Variants in CHD6 observed in about 807,000 individuals in gnomAD.
CHD6 encodes chromodomain helicase DNA binding protein 6.
CHD6 carries 50 observed loss-of-function variants against 276.9 expected under a neutral mutation model. The ratio of observed to expected loss-of-function variants is 0.18; its 90% CI spans 0.14 to 0.23. The LOEUF (loss-of-function observed/expected upper bound fraction) is 0.23, where lower values mean the gene tolerates loss of function less well. CHD6 is among the 10% of genes least tolerant of loss of function. CHD6 has a pLI of 1.00. For missense variants in CHD6, 2,564 were observed against 3,365.8 expected (o/e 0.76, Z 5.89); for synonymous variants, 1,173 against 1,229.3 (o/e 0.95, Z 0.96).
chr20:41,536,498 C>G (rs1416342399), intron 2 of CHD6, among the ~76,000 whole-genome samples: 1 of 152,168 alleles, frequency 6.6e-6, no homozygotes, highest in Non-Finnish European at 1.5e-5. Context: ...TGGTTCCAAA[C>G]AGAGGTCCAT....
intron 2 of CHD6, among the ~76,000 whole-genome samples, chr20:41,536,760 C>T (rs2044840809): frequency 6.6e-6 from 1 of 152,106 alleles, no homozygotes; most frequent in Non-Finnish European, 1.5e-5. Flanking sequence ...GGTCAGGAAA[C>T]ATATATTTCT....
intron 2 of CHD6, among the ~76,000 whole-genome samples, chr20:41,539,632 A>C (rs1459293174): frequency 6.6e-6 from 1 of 152,226 alleles, no homozygotes; most frequent in Non-Finnish European, 1.5e-5. Flanking sequence ...AAATTAGATA[A>C]AAATACAACA....
intron 18 of CHD6, among the ~76,000 whole-genome samples, chr20:41,457,032 C>T (rs545006060): frequency 6.6e-6 from 1 of 152,144 alleles, no homozygotes; most frequent in African/African-American, 2.4e-5. Context: ...AATGTTACAC[C>T]AAGCTGGGCA....
intron 3 of CHD6, among the ~76,000 whole-genome samples, chr20:41,518,051 T>C (rs1471043343): frequency 1.3e-5 from 2 of 152,252 alleles, no homozygotes; most frequent in Non-Finnish European, 2.9e-5. Flanking sequence ...TAGTTTTTTA[T>C]AGCTCTCTTA....
At chr20:41,451,676 C>T (rs181558328) in intron 22 of CHD6, 150 bp downstream of exon 22, 57 of 697,728 alleles carry the variant, frequency 8.2e-5, no homozygotes, top group African/African-American at 4.5e-4. Context: ...GAGGCAGAAA[C>T]GAAAGCAACA....
At position 41,563,119 on chromosome 20, in the gene CHD6, A is replaced by T. The variant is rs552528653; in HGVS notation, c.-23-11759T>A. On this transcript the variant is annotated intron_variant, in intron 1 of 36. Transcript: ENST00000373233. Reference sequence around the variant, plus strand: ...AAGCTCTGTTACCCTGCATGTGGGTAATATAAGCCAAAAGGCAAATCAACA... The same window carrying T: ...AAGCTCTGTTACCCTGCATGTGGGTTATATAAGCCAAAAGGCAAATCAACA... Among the ~76,000 whole-genome samples, 14 of 152,358 alleles carry T rather than the reference A, an allele frequency of 9.2e-5. 3 individuals carry two copies. The highest frequency in any genetic ancestry group is 3.4e-4 in the African/African-American group (14 of 41,584).
intron 3 of CHD6, among the ~76,000 whole-genome samples, chr20:41,530,944 T>A (rs946430810): frequency 3.9e-5 from 6 of 152,210 alleles, no homozygotes; most frequent in African/African-American, 1.4e-4. Context: ...TTATATTTCA[T>A]ACAGCCTAAT....
chr20:41,423,457 T>C (rs762221356), intron 30 of CHD6, 35 bp downstream of exon 30: 1 of 1,579,324 alleles, frequency 6.3e-7, no homozygotes, highest in South Asian at 1.1e-5. Flanking sequence ...GTTCTTTCCT[T>C]GTATCATCTG....
chr20:41,582,990 G>A (rs1412791530), intron 1 of CHD6, among the ~76,000 whole-genome samples: 19 of 152,018 alleles, frequency 1.2e-4, no homozygotes, highest in Admixed American at 1.2e-3. Context: ...CTGGAGAGCT[G>A]TGGGATATGA....
intron 1 of CHD6, among the ~76,000 whole-genome samples, chr20:41,578,961 C>A (rs1199362120): frequency 6.6e-6 from 1 of 150,744 alleles, no homozygotes; most frequent in African/African-American, 2.4e-5. Context: ...GAAACCCCAT[C>A]TCTACTAAAA....
rs189964161 is a variant in CHD6 at position 41,592,936 on chromosome 20, C to G, written c.-24+25404G>C. 3.3e-5 allele frequency among the ~76,000 whole-genome samples: 5 copies of G among 152,090 alleles called. No individual in the cohort carries two copies. In the East Asian group the frequency reaches 7.7e-4, roughly 23 times the overall value. ...CCAGTTCTCAGGTATCTAAAACGTG[C>G]CCCTCCAAAACTCAATTTAAGAAAT... On this transcript the variant is annotated intron_variant, in intron 1 of 36. Coordinates refer to ENST00000373233, the MANE Select transcript of CHD6 (RefSeq NM_032221.5).
At chr20:41,415,808 TCTA>T (rs2046978721) in intron 33 of CHD6, among the ~76,000 whole-genome samples, 170 bp from the exon 34 acceptor site, 1 of 152,228 alleles carries the variant, frequency 6.6e-6, no homozygotes, top group Admixed American at 6.5e-5. Context: ...AAATGCAGAT[TCTA>T]CTTCAGTGGG....
chr20:41,487,930 GA>G, intron 13 of CHD6, 122 bp from the exon 14 acceptor site: 1 of 960,032 alleles, frequency 1.0e-6, no homozygotes, highest in Non-Finnish European at 1.6e-6. Context: ...CTGCTTTAAT[GA>G]AAAGATAATA....
chr20:41,493,871 G>C lies in CHD6; in HGVS notation c.1166C>G (p.Ala389Gly). 2 of 1,613,558 alleles carry C rather than the reference G, an allele frequency of 1.2e-6. No homozygotes were observed. The highest frequency in any genetic ancestry group is 1.7e-6 in the Non-Finnish European group (2 of 1,179,624). ...GCAAATACCCACCTCCCCTGTTTCT[G>C]CATCCTTGGTGTGGGCCACCTCCAA... ...RILEVAHTKDAETGEEVTHYL... is the reference protein window; with the variant it reads ...RILEVAHTKDGETGEEVTHYL... Residue 389 changes from alanine to glycine, a missense_variant, in exon 9 of 37, where the codon GCA becomes GGA. By Grantham distance (60) the Ala-to-Gly change is moderately conservative (BLOSUM62 0). Around this residue, in one of 7 missense-constraint regions of CHD6, gnomAD observed 457 missense variants for 889.0 expected, o/e 0.51. Coordinates refer to ENST00000373233, the MANE Select transcript of CHD6 (RefSeq NM_032221.5).
chr20:41,591,396 A>G (rs1215804011), intron 1 of CHD6, among the ~76,000 whole-genome samples: 1 of 151,506 alleles, frequency 6.6e-6, no homozygotes, highest in African/African-American at 2.4e-5. Context: ...ACACACACAC[A>G]CACACACACA....
intron 1 of CHD6, among the ~76,000 whole-genome samples, chr20:41,588,798 C>A (rs977993970): frequency 1.3e-4 from 20 of 152,126 alleles, no homozygotes; most frequent in Admixed American, 1.2e-3. Flanking sequence ...TCTAAGGACC[C>A]TGATCTCCCC....
chr20:41,532,999 C>G (rs73123245), intron 3 of CHD6, 51 bp downstream of exon 3: 48 of 1,526,552 alleles, frequency 3.1e-5, no homozygotes, highest in Non-Finnish European at 3.8e-5. Context: ...AAAGGCAAAT[C>G]GTTCTGCACT....
chr20:41,461,087 G>A (rs139388881), intron 17 of CHD6, among the ~76,000 whole-genome samples: 12 of 152,274 alleles, frequency 7.9e-5, no homozygotes, highest in African/African-American at 2.9e-4. Context: ...ACTTCCATGG[G>A]CCCCCTTTGT....
intron 17 of CHD6, among the ~76,000 whole-genome samples, chr20:41,467,798 A>G (rs940549152): frequency 2.9e-5 from 4 of 139,630 alleles, no homozygotes; most frequent in Non-Finnish European, 4.7e-5. Flanking sequence ...TTTGGGCAAC[A>G]GAAAGGAGTT....
Sources: allele counts gnomAD v4.1 joint callset (sites outside exome capture counted in the v4.1 genomes callset), GRCh38; gene constraint gnomAD v4.1.1; regional missense constraint gnomAD v4.1.1; transcripts MANE v1.5; gene names NCBI Gene and HGNC (gene_info 2026-07-23, HGNC 2026-07-21).